MAGI2: variants seen among roughly 807,000 people sequenced by gnomAD.
MAGI2 encodes membrane associated guanylate kinase, WW and PDZ domain containing 2.
Under a neutral mutation model 133.3 loss-of-function variants are expected in MAGI2, and 35 were observed. That is an observed-to-expected ratio of 0.26 (90% CI 0.20 to 0.35). MAGI2 has a LOEUF of 0.35. Among genes scored for constraint, MAGI2 ranks in the 10% least tolerant of loss-of-function variants. MAGI2 has a pLI of 1.00. For synonymous variants in MAGI2, 729 were observed against 710.6 expected (o/e 1.03, Z -0.41); for missense variants, 1,636 against 1,863.4 (o/e 0.88, Z 2.25).
intron 10 of MAGI2, among the ~76,000 whole-genome samples, chr7:78,248,640 A>G (rs560306332): frequency 3.9e-5 from 6 of 152,248 alleles, no homozygotes; most frequent in Non-Finnish European, 8.8e-5. Flanking sequence ...AAATAGATTC[A>G]TTGGGGAAAG....
intron 1 of MAGI2, among the ~76,000 whole-genome samples, chr7:79,024,750 A>G (rs942779877): frequency 6.6e-6 from 1 of 152,180 alleles, no homozygotes; most frequent in Non-Finnish European, 1.5e-5. Flanking sequence ...GCACATGAAA[A>G]AAAGCTCAAT....
intron 2 of MAGI2, among the ~76,000 whole-genome samples, chr7:79,004,667 A>G (rs1807253173): frequency 6.6e-6 from 1 of 152,212 alleles, no homozygotes; most frequent in Admixed American, 6.5e-5. Flanking sequence ...AAATACCTTG[A>G]CTTGATCATT....
chr7:78,508,527 G>A (rs919512274), intron 4 of MAGI2, among the ~76,000 whole-genome samples: 3 of 152,128 alleles, frequency 2.0e-5, no homozygotes, highest in Admixed American at 6.5e-5. Flanking sequence ...GAAATTACCC[G>A]TTAAGAACCG....
At chr7:78,672,305 C>T (rs1490107574) in intron 2 of MAGI2, among the ~76,000 whole-genome samples, 3 of 152,148 alleles carry the variant, frequency 2.0e-5, no homozygotes, top group Admixed American at 6.6e-5. Flanking sequence ...TGCCATAAGA[C>T]ATGCCTGTCC....
chr7:78,985,601 A>G (rs1805182087), intron 2 of MAGI2, among the ~76,000 whole-genome samples: 1 of 151,964 alleles, frequency 6.6e-6, no homozygotes, highest in Non-Finnish European at 1.5e-5. Context: ...GTCCTTTTTC[A>G]CTTGGTAAGC....
intron 9 of MAGI2, among the ~76,000 whole-genome samples, chr7:78,281,726 C>T (rs1384118276): frequency 9.8e-6 from 1 of 102,250 alleles, no homozygotes; most frequent in Non-Finnish European, 2.2e-5. Context: ...ATTCAGAAAG[C>T]TACACATTAT....
At chr7:79,190,926 A>G (rs529373674) in intron 1 of MAGI2, among the ~76,000 whole-genome samples, 1 of 152,012 alleles carries the variant, frequency 6.6e-6, no homozygotes, top group African/African-American at 2.4e-5. Flanking sequence ...CATTAAAAAT[A>G]AGATATAAAT....
At position 78,695,815 on chromosome 7, in the gene MAGI2, CAGTGGGCTT is replaced by C. The variant is rs1817451937; in HGVS notation, c.419-68585_419-68577del. ...CTAAGAAGCAAGAGCATTTGAAGCC[CAGTGGGCTT>C]GTTTCTGCTGCCCCATCAGGAGGCT... is the stretch of plus-strand genomic sequence containing the variant. On this transcript the variant is annotated intron_variant, in intron 2 of 21. Coordinates refer to ENST00000354212, the MANE Select transcript of MAGI2 (RefSeq NM_012301.4). 6.6e-5 allele frequency among the ~76,000 whole-genome samples: 10 copies of C among 152,278 alleles called. 1 individual carries two copies. In the South Asian group the frequency reaches 2.1e-3, roughly 32 times the overall value.
At chr7:78,767,009 G>A (rs1825097146) in intron 2 of MAGI2, among the ~76,000 whole-genome samples, 1 of 145,286 alleles carries the variant, frequency 6.9e-6, no homozygotes, top group South Asian at 2.1e-4. Flanking sequence ...TTTTTTTTGA[G>A]ATGGAGTCTT....
At chr7:79,372,555 G>A (rs866255136) in intron 1 of MAGI2, among the ~76,000 whole-genome samples, 1 of 151,968 alleles carries the variant, frequency 6.6e-6, no homozygotes, top group Admixed American at 6.6e-5. Flanking sequence ...TAGAACAAAA[G>A]ACGGCATGTA....
chr7:79,207,984 C>G (rs1829197538), intron 1 of MAGI2, among the ~76,000 whole-genome samples: 1 of 151,924 alleles, frequency 6.6e-6, no homozygotes, highest in African/African-American at 2.4e-5. Context: ...GGATAGCCAC[C>G]TGCAGAAGAA....
At chr7:79,393,728 A>G (rs1844838098) in intron 1 of MAGI2, among the ~76,000 whole-genome samples, 1 of 152,322 alleles carries the variant, frequency 6.6e-6, no homozygotes, top group African/African-American at 2.4e-5. Context: ...TTAATGGCAC[A>G]TTGTTATGTG....
chr7:78,513,889 G>C (rs1373977487), intron 4 of MAGI2, among the ~76,000 whole-genome samples: 1 of 152,028 alleles, frequency 6.6e-6, no homozygotes, highest in African/African-American at 2.4e-5. Flanking sequence ...AGGAGTTGGA[G>C]ACCAGCCTGA....
intron 7 of MAGI2, among the ~76,000 whole-genome samples, chr7:78,362,265 G>A (rs907377636): frequency 6.6e-6 from 1 of 152,132 alleles, no homozygotes; most frequent in East Asian, 1.9e-4. Flanking sequence ...TTGCACCACT[G>A]TACTCCAGCC....
At chr7:79,410,499 A>G (rs1846073307) in intron 1 of MAGI2, 1 of 152,170 alleles carries the variant, frequency 6.6e-6, no homozygotes, top group Admixed American at 6.6e-5. Context: ...TCTCTTGAGT[A>G]AAGAATGACA....
At chr7:79,444,777 T>C (rs1438062223) in intron 1 of MAGI2, among the ~76,000 whole-genome samples, 1 of 152,204 alleles carries the variant, frequency 6.6e-6, no homozygotes, top group Non-Finnish European at 1.5e-5. Flanking sequence ...CCCACCAAGC[T>C]ACCAATGACT....
At chr7:79,195,684 TCA>T (rs1171071547) in intron 1 of MAGI2, among the ~76,000 whole-genome samples, 2 of 151,964 alleles carry the variant, frequency 1.3e-5, no homozygotes, top group African/African-American at 2.4e-5. Flanking sequence ...CTGAGCATTC[TCA>T]GTGTTTAATT....
chr7:78,395,032 G>A (rs1796217889), intron 6 of MAGI2, among the ~76,000 whole-genome samples: 1 of 152,138 alleles, frequency 6.6e-6, no homozygotes, highest in Admixed American at 6.5e-5. Flanking sequence ...TTTCCTGAAT[G>A]TTCAATGGTC....
chr7:78,909,391 A>G (rs886621447), intron 2 of MAGI2, among the ~76,000 whole-genome samples: 2 of 151,026 alleles, frequency 1.3e-5, no homozygotes, highest in Non-Finnish European at 3.0e-5. Context: ...CAGGAGATCA[A>G]GATCATCCTG....
Sources: allele counts gnomAD v4.1 joint callset (sites outside exome capture counted in the v4.1 genomes callset), GRCh38; gene constraint gnomAD v4.1.1; transcripts MANE v1.5; gene names NCBI Gene and HGNC (gene_info 2026-07-23, HGNC 2026-07-21).